Variants in NLRP14 observed in about 807,000 individuals in gnomAD.
The protein encoded by NLRP14 is NLR family pyrin domain containing 14.
Under a neutral mutation model 94.7 loss-of-function variants are expected in NLRP14, and 105 were observed. The observed-to-expected ratio is 1.11, with a 90% CI of 0.95 to 1.30. The LOEUF (loss-of-function observed/expected upper bound fraction) is 1.30, where lower values mean the gene tolerates loss of function less well. NLRP14 is among the 50% of genes most tolerant of loss of function. NLRP14 has a pLI of 0.00. For missense variants in NLRP14, 1,362 were observed against 1,254.1 expected, an observed-to-expected ratio of 1.09 and a Z score of -1.30; for synonymous variants, 508 against 459.9, an observed-to-expected ratio of 1.10 and a Z score of -1.34.
rs551244736 is a variant in NLRP14 at position 7,065,170 on chromosome 11, A to C, written c.2975+2667A>C. Among the ~76,000 whole-genome samples the C allele has an allele frequency of 8.5e-5, 13 of 152,274 alleles. No individual in the cohort carries two copies. The South Asian group carries it at 2.3e-3, about 27-fold the overall frequency. ...ATGTTGGCGTATTGAATCGAATTGC[A>C]TTAAATCTATCAGTGAGTCTCCTGA... On this transcript the variant is annotated intron_variant, in intron 10 of 11. Transcript: ENST00000299481.
At chr11:7,041,590 A>G (rs918187005) in intron 3 of NLRP14, among the ~76,000 whole-genome samples, 2 of 152,188 alleles carry the variant, frequency 1.3e-5, no homozygotes, top group African/African-American at 4.8e-5. Flanking sequence ...GCACAAATAT[A>G]TTTGACACTT....
chr11:7,053,994 A>G (rs998544533), intron 6 of NLRP14, among the ~76,000 whole-genome samples: 1 of 151,914 alleles, frequency 6.6e-6, no homozygotes, highest in Non-Finnish European at 1.5e-5. Context: ...TCTACTCTCT[A>G]TGTCCATGAG....
At chr11:7,067,167 A>G (rs1293738816) in intron 10 of NLRP14, among the ~76,000 whole-genome samples, 1 of 152,098 alleles carries the variant, frequency 6.6e-6, no homozygotes, top group Admixed American at 6.6e-5. Context: ...TTTGCTTAAG[A>G]TTGTCTTGAC....
Position 7,042,704 on chromosome 11 carries a change from G to A in NLRP14, c.678G>A (p.Glu226=). 1 of 1,614,220 alleles carries A rather than the reference G, an allele frequency of 6.2e-7. No homozygotes were observed. Among genetic ancestry groups the A allele is most frequent in the South Asian group, 1.1e-5 (1 of 91,080 alleles). Residue 226 remains glutamate (E), a synonymous_variant, in exon 4 of 12, where the codon GAG becomes GAA. Transcript: ENST00000299481. ...GGAGAGAAATTAACCAGCTGAAAGA[G>A]AGAAGCTTTGCTCAATTGATATCAA... ...LNGREINQLK[E]RSFAQLISKD...
At chr11:7,056,153 T>C (rs530373288) in intron 6 of NLRP14, among the ~76,000 whole-genome samples, 48 of 152,088 alleles carry the variant, frequency 3.2e-4, no homozygotes, top group African/African-American at 1.2e-3. Context: ...AGGAGAGTGT[T>C]AATGATTTTT....
At chr11:7,069,911 G>A (rs145490148) in intron 10 of NLRP14, among the ~76,000 whole-genome samples, 2,605 of 152,250 alleles carry the variant, frequency 0.017, 89 homozygotes, top group African/African-American at 0.059. Context: ...ACAGGCATGA[G>A]CCACCATGCC....
rs978487431 is a variant in NLRP14 at position 7,067,182 on chromosome 11, C to T, written c.2976-3104C>T. ...TTTGCTTAAGATTGTCTTGACTATA[C>T]GGGCTCTTTTTTGGTTCCACATGAA... On this transcript the variant is annotated intron_variant, in intron 10 of 11. Coordinates refer to ENST00000299481, the MANE Select transcript of NLRP14 (RefSeq NM_176822.4). 4.6e-5 allele frequency among the ~76,000 whole-genome samples: 7 copies of T among 152,162 alleles called. No homozygotes were observed. In the South Asian group the frequency reaches 1.0e-3, roughly 23 times the overall value.
Position 7,040,533 on chromosome 11 carries a change from G to A in NLRP14, c.361+748G>A, listed in dbSNP as rs544927111. Among the ~76,000 whole-genome samples, 10 of 152,218 alleles carry A rather than the reference G, an allele frequency of 6.6e-5. No homozygotes were observed. In the South Asian group the frequency reaches 2.1e-3, roughly 32 times the overall value. ...GGAAAAATTGTCTTCCATGAAACTG[G>A]CCCCTGGTGCCCAAAAGATTGGGGA... On this transcript the variant is annotated intron_variant, in intron 3 of 11. Transcript: ENST00000299481.
At chr11:7,070,857 A>G (rs1432274784) in intron 11 of NLRP14, among the ~76,000 whole-genome samples, 6 of 152,274 alleles carry the variant, frequency 3.9e-5, no homozygotes, top group Admixed American at 3.9e-4. Flanking sequence ...TAAACAATAA[A>G]TATGTTCTCT....
rs115665389 is a variant in NLRP14, at chr11:7,052,087, G to A, written c.2291+2249G>A. ...TTAAGGTAAGCTCTTAAAATTTGCT[G>A]AGCAAGGAGAGACCAAAAACAAAAA... On this transcript the variant is annotated intron_variant, in intron 6 of 11. Coordinates refer to ENST00000299481, the MANE Select transcript of NLRP14 (RefSeq NM_176822.4). Among the ~76,000 whole-genome samples the A allele has an allele frequency of 8.3e-3, 1,269 of 152,260 alleles. 14 individuals carry two copies. Among genetic ancestry groups the A allele is most frequent in the African/African-American group, 0.023 (939 of 41,544 alleles).
intron 9 of NLRP14, among the ~76,000 whole-genome samples, chr11:7,060,716 G>C (rs1047243046): frequency 6.6e-6 from 1 of 151,958 alleles, no homozygotes; most frequent in African/African-American, 2.4e-5. Context: ...TTAATATTAT[G>C]TTTTCTCACT....
chr11:7,068,447 A>G (rs1444244512), intron 10 of NLRP14, among the ~76,000 whole-genome samples: 1 of 152,074 alleles, frequency 6.6e-6, no homozygotes, highest in African/African-American at 2.4e-5. Context: ...ATATTTGTAA[A>G]CTTCCCTAGA....
At chr11:7,029,399 C>A (rs556845212) in intron 1 of NLRP14, among the ~76,000 whole-genome samples, 12 of 152,080 alleles carry the variant, frequency 7.9e-5, no homozygotes, top group African/African-American at 2.9e-4. Context: ...GCAATAACTT[C>A]AAAAGTCCAG....
At chr11:7,047,318 G>T (rs34688710) in intron 5 of NLRP14, among the ~76,000 whole-genome samples, 11 of 142,282 alleles carry the variant, frequency 7.7e-5, no homozygotes, top group African/African-American at 1.8e-4. Flanking sequence ...TACCCCTTTC[G>T]TTTTTTTTTT....
At chr11:7,054,032 C>T (rs1474191901) in intron 6 of NLRP14, among the ~76,000 whole-genome samples, 1 of 150,708 alleles carries the variant, frequency 6.6e-6, no homozygotes, top group African/African-American at 2.5e-5. Context: ...TTTTTCACTC[C>T]CACAAATAAG....
intron 6 of NLRP14, among the ~76,000 whole-genome samples, chr11:7,050,784 T>G (rs1466040408): frequency 1.3e-5 from 2 of 152,180 alleles, no homozygotes; most frequent in Admixed American, 6.5e-5. Flanking sequence ...ATAGGTTGAG[T>G]TCAGTTGTTA....
In NLRP14 at chr11:7,042,884, C is replaced by T. The variant is rs1221748824; in HGVS notation, c.858C>T (p.Ser286=). The stretch of plus-strand genomic sequence containing the variant: ...ACTGGACCCAAGAACACCCAGTGTC[C>T]TTCCTCATGAGTAGTTTGCTGAGGA... ...CEDWTQEHPV[S]FLMSSLLRKV... Residue 286 remains serine (S), a synonymous_variant, in exon 4 of 12, where the codon TCC becomes TCT. Transcript: ENST00000299481. The T allele has an allele frequency of 3.1e-6, 5 of 1,614,144 alleles. No individual in the cohort carries two copies. The highest frequency in any genetic ancestry group is 1.7e-5 in the Admixed American group (1 of 60,020).
In NLRP14 at chr11:7,020,511, G is replaced by A. The variant is rs552557125; in HGVS notation, c.-281G>A. 1 of 152,492 alleles carries A rather than the reference G, an allele frequency of 6.6e-6. No homozygotes were observed. Among genetic ancestry groups the A allele is most frequent in the South Asian group, 2.1e-4 (1 of 4,838 alleles). 9.4% of individuals were successfully genotyped at this position (152,492 alleles called of 1,614,324 possible). Reference sequence around the variant, plus strand: ...CGCGGGCGGGAGCTGCGGGCGCTCGGGGGATAAGGCGAGGACGCACCAGCA... The same window carrying A: ...CGCGGGCGGGAGCTGCGGGCGCTCGAGGGATAAGGCGAGGACGCACCAGCA... On this transcript the variant is annotated 5_prime_UTR_variant, in exon 1 of 12. Coordinates refer to ENST00000299481, the MANE Select transcript of NLRP14 (RefSeq NM_176822.4).
intron 6 of NLRP14, among the ~76,000 whole-genome samples, chr11:7,052,979 A>G (rs962952892): frequency 1.3e-5 from 2 of 152,192 alleles, no homozygotes; most frequent in Non-Finnish European, 2.9e-5. Flanking sequence ...TCATTAATAA[A>G]CCATGATATA....
Sources: allele counts gnomAD v4.1 joint callset (sites outside exome capture counted in the v4.1 genomes callset), GRCh38; gene constraint gnomAD v4.1.1; transcripts MANE v1.5; gene names NCBI Gene and HGNC (gene_info 2026-07-23, HGNC 2026-07-21).